Variants in MCCC1 observed in about 807,000 individuals in gnomAD.
MCCC1 encodes the protein methylcrotonyl-CoA carboxylase subunit 1, also known as methylcrotonoyl-CoA carboxylase subunit alpha, mitochondrial.
In MCCC1, 64 loss-of-function variants were observed where a neutral mutation model predicts 83.8. That is an observed-to-expected ratio of 0.76 (90% CI 0.62 to 0.94). MCCC1 has a LOEUF of 0.94. MCCC1 is among the 40% of genes least tolerant of loss of function. The pLI is 0.00. For missense variants in MCCC1, 807 were observed against 904.7 expected, an observed-to-expected ratio of 0.89 and a Z score of 1.39; for synonymous variants, 322 against 315.4, an observed-to-expected ratio of 1.02 and a Z score of -0.22.
rs1263305077 is a variant in MCCC1 at position 183,017,271 on chromosome 3, T to C, written c.2044A>G (p.Met682Val). Residue 682 changes from methionine (M) to valine (V), a missense_variant, in exon 18 of 19, where the codon ATG becomes GTG. Met to Val is a conservative substitution (Grantham distance 21, BLOSUM62 1). Transcript: ENST00000265594. ...DSLMVMIAMK[M>V]EHTIKSPKDG... The stretch of plus-strand genomic sequence containing the variant: ...TGAACTCATGATTTCCTTACCTCCA[T>C]CTTCATGGCGATCATAACCATGAGG... 2.5e-6 allele frequency: 4 copies of C among 1,613,644 alleles called. No homozygotes were observed. The highest frequency in any genetic ancestry group is 3.4e-6 in the Non-Finnish European group (4 of 1,179,856).
chr3:183,106,482 T>TTTTCTTTCTTTCTTTCTTTC lies in MCCC1; in HGVS notation c.-102+8972_-102+8991dup, dbSNP rs144890143. Among the ~76,000 whole-genome samples, 73 of 147,070 alleles carry TTTTCTTTCTTTCTTTCTTTC rather than the reference T, an allele frequency of 5.0e-4. 4 individuals are homozygous for TTTTCTTTCTTTCTTTCTTTC. Among genetic ancestry groups the TTTTCTTTCTTTCTTTCTTTC allele is most frequent in the Middle Eastern group, 3.4e-3 (1 of 292 alleles). ...AGATTTCCCAAATGTTTCTTTGTTC[T>TTTTCTTTCTTTCTTTCTTTC]TTTCTTTCTTTCTTTCTTTCTTTCT... is the stretch of plus-strand genomic sequence containing the variant. On this transcript the variant is annotated intron_variant, in intron 1 of 17. Transcript: ENST00000492597.
In MCCC1 at chr3:183,064,886, G is replaced by C. The variant is rs1338377975; in HGVS notation, c.761+6113C>G. The stretch of plus-strand genomic sequence containing the variant: ...GGTTGCAATGGGCGGGTCTTTCTCT[G>C]GTCTCTCTGAGCACCTTGCTTTCCC... On this transcript the variant is annotated intron_variant, in intron 7 of 18. Coordinates refer to ENST00000265594, the MANE Select transcript of MCCC1 (RefSeq NM_020166.5). This position sits in a 1 kb window ranked among gnomAD's most constrained non-coding sequence, Gnocchi z 4.5. Among the ~76,000 whole-genome samples, 1 of 151,938 alleles carries C rather than the reference G, an allele frequency of 6.6e-6. No homozygotes were observed. Among genetic ancestry groups the C allele is most frequent in the Non-Finnish European group, 1.5e-5 (1 of 67,952 alleles).
At position 183,089,230 on chromosome 3, in the gene MCCC1, A is replaced by C. The variant is rs146665686; in HGVS notation, c.274-2442T>G. Among the ~76,000 whole-genome samples, 22 of 152,324 alleles carry C rather than the reference A, an allele frequency of 1.4e-4. No homozygotes were observed. The East Asian group carries it at 3.9e-3, about 27-fold the overall frequency. On this transcript the variant is annotated intron_variant, in intron 3 of 18. Transcript: ENST00000265594. Reference sequence around the variant, plus strand: ...AAGCATTTAAGAAGAGGAGTAACTTAAGTACATTTTTATTTTATACTCTCA... The same window carrying C: ...AAGCATTTAAGAAGAGGAGTAACTTCAGTACATTTTTATTTTATACTCTCA...
At chr3:183,083,762 A>C (rs1717688152) in intron 4 of MCCC1, among the ~76,000 whole-genome samples, 3 of 152,222 alleles carry the variant, frequency 2.0e-5, no homozygotes, top group African/African-American at 7.2e-5. Flanking sequence ...TTCAGGAGGC[A>C]GCTTAGAAAA....
intron 3 of MCCC1, among the ~76,000 whole-genome samples, chr3:183,087,101 A>G (rs1717947920): frequency 6.6e-6 from 1 of 152,358 alleles, no homozygotes; most frequent in East Asian, 1.9e-4. Flanking sequence ...AAACAATAAT[A>G]ACCTTAAATG....
At chr3:183,087,297 A>G (rs1717962187) in intron 3 of MCCC1, among the ~76,000 whole-genome samples, 1 of 152,238 alleles carries the variant, frequency 6.6e-6, no homozygotes, top group African/African-American at 2.4e-5. Context: ...CATCCCTTGA[A>G]GTAGACCATT....
In MCCC1 at chr3:183,017,235, C is replaced by T. The variant is rs73068824; in HGVS notation, c.2049+31G>A. 2,817 of 1,596,398 alleles carry T rather than the reference C, an allele frequency of 1.8e-3. 55 individuals are homozygous for T. In the African/African-American group the frequency reaches 0.034, roughly 19 times the overall value. On this transcript the variant is annotated intron_variant, in intron 18 of 18. Coordinates refer to ENST00000265594, the MANE Select transcript of MCCC1 (RefSeq NM_020166.5). ...ATTAGGTATGATTGCTCCCAAAGTC[C>T]TCATAGCAAATGAACTCATGATTTC...
chr3:183,104,292 A>G (rs111783801), upstream of MCCC1, among the ~76,000 whole-genome samples: 1,233 of 152,274 alleles, frequency 8.1e-3, 14 homozygotes, highest in African/African-American at 0.027. Context: ...GAGGACTGCC[A>G]GCACGCTGTC....
intron 16 of MCCC1, among the ~76,000 whole-genome samples, chr3:183,022,091 A>C (rs1372334349): frequency 1.3e-5 from 2 of 152,188 alleles, no homozygotes; most frequent in Non-Finnish European, 2.9e-5. Context: ...AAAAGTGTTC[A>C]GACATCAAAG....
At chr3:183,114,993 A>C (rs1719566356) in intron 1 of MCCC1, among the ~76,000 whole-genome samples, 1 of 151,972 alleles carries the variant, frequency 6.6e-6, no homozygotes, top group Non-Finnish European at 1.5e-5. Context: ...CGTGGTGCTA[A>C]ATGCTGCCGC....
At chr3:183,092,648 T>C in intron 2 of MCCC1, 103 bp from the exon 3 acceptor site, 1 of 1,472,250 alleles carries the variant, frequency 6.8e-7, no homozygotes. Context: ...GACTGATAAG[T>C]TCAAGGTTTT....
chr3:183,063,228 C>T (rs1257892902), intron 7 of MCCC1, among the ~76,000 whole-genome samples: 4 of 152,116 alleles, frequency 2.6e-5, no homozygotes, highest in African/African-American at 4.8e-5. Context: ...GTGATCTGCC[C>T]ACCTCAGCCT....
At chr3:183,019,581 C>T (rs1039629115) in intron 17 of MCCC1, among the ~76,000 whole-genome samples, 2 of 152,162 alleles carry the variant, frequency 1.3e-5, no homozygotes, top group Non-Finnish European at 2.9e-5. Flanking sequence ...CCTCTAGAAT[C>T]GTGAGAAATA....
Position 183,034,189 on chromosome 3 carries a change from G to A in MCCC1, c.1595-112C>T, listed in dbSNP as rs564002181. The A allele has an allele frequency of 5.3e-4, 398 of 756,590 alleles. 2 individuals are homozygous for A. Among genetic ancestry groups the A allele is most frequent in the South Asian group, 2.9e-3 (197 of 68,664 alleles). 46.9% of individuals were successfully genotyped at this position (756,590 alleles called of 1,614,324 possible). ...GTGCTGGCCGGGCACAGTGGCTCAT[G>A]CCTGTAATCCCAGCACTTTGGGAGG... On this transcript the variant is annotated intron_variant, in intron 13 of 18. Transcript: ENST00000265594.
chr3:183,048,784 A>G (rs1029863299), intron 9 of MCCC1, among the ~76,000 whole-genome samples: 7 of 152,228 alleles, frequency 4.6e-5, no homozygotes. Context: ...ATTTCATCCA[A>G]CAACAGCAGA....
intron 1 of MCCC1, chr3:183,099,118 C>G (rs1186603039): frequency 1.7e-6 from 1 of 598,982 alleles, no homozygotes; most frequent in Non-Finnish European, 3.0e-6. Flanking sequence ...AAAACAGAAG[C>G]CAAAGGCGCG....
At chr3:183,049,216 A>C (rs1577290473) in intron 9 of MCCC1, among the ~76,000 whole-genome samples, 3 of 152,260 alleles carry the variant, frequency 2.0e-5, no homozygotes, top group Admixed American at 2.0e-4. Context: ...CAAAGTAAGC[A>C]GAAGAAATAA....
At chr3:183,073,420 A>G (rs1330413990) in intron 4 of MCCC1, among the ~76,000 whole-genome samples, 6 of 152,214 alleles carry the variant, frequency 3.9e-5, no homozygotes, top group Non-Finnish European at 7.3e-5. Flanking sequence ...CAGGTCATCA[A>G]TGTCATCTTT....
chr3:183,015,962 T>A (rs1437154478), intron 18 of MCCC1, among the ~76,000 whole-genome samples: 2 of 150,988 alleles, frequency 1.3e-5, no homozygotes, highest in East Asian at 2.0e-4. Context: ...GGAGTCTCAC[T>A]CTGTCACCCA....
Sources: allele counts gnomAD v4.1 joint callset (sites outside exome capture counted in the v4.1 genomes callset), GRCh38; gene constraint gnomAD v4.1.1; non-coding constraint Gnocchi (gnomAD v3.1); transcripts MANE v1.5; gene names NCBI Gene and HGNC (gene_info 2026-07-23, HGNC 2026-07-21).